SMARCA5: variants seen among roughly 807,000 people sequenced by gnomAD.
SMARCA5 encodes SNF2 related chromatin remodeling ATPase 5.
Under a neutral mutation model 140.4 loss-of-function variants are expected in SMARCA5, and 18 were observed. The observed-to-expected ratio is 0.13, with a 90% CI of 0.09 to 0.19. The LOEUF is 0.19. Ranked by LOEUF, SMARCA5 falls within the 10% of genes least tolerant of loss-of-function variation. SMARCA5 has a pLI of 1.00. For missense variants in SMARCA5, 606 were observed against 1,276.8 expected (o/e 0.47, Z 8.01); for synonymous variants, 449 against 419.6 (o/e 1.07, Z -0.86).
rs1370594324 is a variant in SMARCA5, at chr4:143,530,535, T to A, written c.1158+9T>A. The A allele has an allele frequency of 1.3e-6, 2 of 1,586,022 alleles. No individual in the cohort carries two copies. Among genetic ancestry groups the A allele is most frequent in the Non-Finnish European group, 1.7e-6 (2 of 1,156,388 alleles). ...TTGAGAGGCTTCATATGGTAAGTATTTTGGAGTAGTGTTAAAGCATATTTA... is the reference window on the plus strand; with the variant it reads ...TTGAGAGGCTTCATATGGTAAGTATATTGGAGTAGTGTTAAAGCATATTTA... On this transcript the variant is annotated intron_variant, in intron 9 of 23. Transcript: ENST00000283131.
chr4:143,530,573 G>A (rs768854874), intron 9 of SMARCA5, 47 bp downstream of exon 9: 4 of 1,265,792 alleles, frequency 3.2e-6, no homozygotes, highest in African/African-American at 1.5e-5. Flanking sequence ...ATGGGAAAAA[G>A]GATAAAGGTT....
Position 143,523,100 on chromosome 4 carries a change from G to A in SMARCA5, c.420-1267G>A, listed in dbSNP as rs183782954. Reference sequence around the variant, plus strand: ...CCCAGGCTGGAGTGCGTGCAGTGGTGTGATCTCGGTTCACTGCAAGTTGTG... The same window carrying A: ...CCCAGGCTGGAGTGCGTGCAGTGGTATGATCTCGGTTCACTGCAAGTTGTG... On this transcript the variant is annotated intron_variant, in intron 3 of 23. Coordinates refer to ENST00000283131, the MANE Select transcript of SMARCA5 (RefSeq NM_003601.4). 5.0e-3 allele frequency among the ~76,000 whole-genome samples: 757 copies of A among 152,238 alleles called. 4 individuals are homozygous for A. Among genetic ancestry groups the A allele is most frequent in the Non-Finnish European group, 8.2e-3 (561 of 68,018 alleles).
intron 9 of SMARCA5, among the ~76,000 whole-genome samples, chr4:143,533,498 CTTTTTTTTTTT>C (rs10580434): frequency 2.4e-4 from 31 of 127,550 alleles, no homozygotes; most frequent in African/African-American, 2.7e-4. Context: ...CTTGTCCATT[CTTTTTTTTTTT>C]TTTTTTTTTT....
intron 14 of SMARCA5, among the ~76,000 whole-genome samples, chr4:143,542,579 AT>A (rs1261496750): frequency 6.6e-6 from 1 of 152,202 alleles, no homozygotes; most frequent in Non-Finnish European, 1.5e-5. Flanking sequence ...TGATACAAGT[AT>A]TTAAAGAAGT....
rs1737676852 is a variant in SMARCA5, at chr4:143,553,048, A to G, written c.3094-71A>G. The G allele has an allele frequency of 2.6e-6, 3 of 1,132,138 alleles. No homozygotes were observed. In the Admixed American group the frequency reaches 5.1e-5, roughly 19 times the overall value. 70.1% of individuals were successfully genotyped at this position (1,132,138 alleles called of 1,614,324 possible). On this transcript the variant is annotated intron_variant, in intron 23 of 23. Coordinates refer to ENST00000283131, the MANE Select transcript of SMARCA5 (RefSeq NM_003601.4). Reference sequence around the variant, plus strand: ...TAGTAGTTGTTATTACTAAAGTGTTATAATGTGTCTGCAACTATATTTCAT... The same window carrying G: ...TAGTAGTTGTTATTACTAAAGTGTTGTAATGTGTCTGCAACTATATTTCAT...
At position 143,546,775 on chromosome 4, in the gene SMARCA5, G is replaced by T; in HGVS notation, c.2521-1G>T. 6.2e-7 allele frequency: 1 copy of T among 1,604,704 alleles called. No homozygotes were observed. The highest frequency in any genetic ancestry group is 1.1e-5 in the South Asian group (1 of 89,338). On this transcript the variant is annotated splice_acceptor_variant, in intron 19 of 23. Coordinates refer to ENST00000283131, the MANE Select transcript of SMARCA5 (RefSeq NM_003601.4). LOFTEE classifies it high-confidence loss of function. Reference sequence around the variant, plus strand: ...AATATTTTGTTTCTGTTCCTGTGAAGGGATTTACCAATTGGAATAAGAGAG... The same window carrying T: ...AATATTTTGTTTCTGTTCCTGTGAATGGATTTACCAATTGGAATAAGAGAG...
At chr4:143,542,524 A>G (rs1042802441) in intron 14 of SMARCA5, among the ~76,000 whole-genome samples, 3 of 152,196 alleles carry the variant, frequency 2.0e-5, no homozygotes, top group Non-Finnish European at 4.4e-5. Context: ...TCACTTACAA[A>G]GTCATGGATG....
In SMARCA5 at chr4:143,547,881, T is replaced by C. The variant is rs765369821; in HGVS notation, c.2773-47T>C. 8.0e-6 allele frequency: 9 copies of C among 1,129,430 alleles called. No individual in the cohort carries two copies. The Admixed American group carries it at 2.1e-4, about 26-fold the overall frequency. 70.0% of individuals were successfully genotyped at this position (1,129,430 alleles called of 1,614,324 possible). On this transcript the variant is annotated intron_variant, in intron 21 of 23. Coordinates refer to ENST00000283131, the MANE Select transcript of SMARCA5 (RefSeq NM_003601.4). ...ACTAAAGCTGAGTTTGAAATACAGA[T>C]TATATAGGATTTGTATTTTATATAA...
intron 3 of SMARCA5, among the ~76,000 whole-genome samples, chr4:143,523,662 CCTT>C (rs1381372086): frequency 7.2e-5 from 11 of 152,146 alleles, no homozygotes; most frequent in Non-Finnish European, 7.4e-5. Context: ...GGCCGCTTAT[CCTT>C]TTAGCAAGCA....
intron 22 of SMARCA5, 103 bp downstream of exon 22, chr4:143,548,243 T>C (rs1002467851): frequency 4.8e-6 from 3 of 626,540 alleles, no homozygotes; most frequent in Non-Finnish European, 8.3e-6. Flanking sequence ...AAGTAGACTT[T>C]TGTTACAATA....
chr4:143,536,731 A>G (rs1221468236), intron 11 of SMARCA5, 53 bp downstream of exon 11: 10 of 1,260,320 alleles, frequency 7.9e-6, no homozygotes, highest in Non-Finnish European at 1.1e-5. Flanking sequence ...GCTCATGTTA[A>G]AACAAAGGAG....
At chr4:143,550,224 A>ATTT in intron 23 of SMARCA5, 120 bp downstream of exon 23, 35 of 271,938 alleles carry the variant, frequency 1.3e-4, no homozygotes, top group South Asian at 2.6e-4. Flanking sequence ...CATTGCCTTT[A>ATTT]CTTTTTTTTT....
chr4:143,514,067 C>T lies in SMARCA5; in HGVS notation c.143C>T (p.Ala48Val), dbSNP rs1736766182. The T allele has an allele frequency of 1.3e-6, 2 of 1,559,126 alleles. No individual in the cohort carries two copies. The highest frequency in any genetic ancestry group is 1.2e-5 in the South Asian group (1 of 86,948). The change falls in exon 1 of 24, where the codon GCG becomes GTG. Residue 48 changes from alanine to valine, a missense_variant. Physicochemically the swap from Ala to Val is moderately conservative, Grantham distance 64. This residue lies in a region of SMARCA5 where 164 missense variants were observed against 128.4 expected (regional missense o/e 1.28). Coordinates refer to ENST00000283131, the MANE Select transcript of SMARCA5 (RefSeq NM_003601.4). ...EGVAAQAVASAASAGPADAEM... is the reference protein window; with the variant it reads ...EGVAAQAVASVASAGPADAEM... ...GTCGCGGCGCAGGCGGTTGCGTCTG[C>T]GGCCAGCGCTGGTCCCGCAGACGCC...
At chr4:143,521,875 A>G (rs932512179) in intron 3 of SMARCA5, among the ~76,000 whole-genome samples, 7 of 124,950 alleles carry the variant, frequency 5.6e-5, no homozygotes, top group African/African-American at 2.1e-4. Context: ...TGGGCAACGT[A>G]GGGAGATCCC....
intron 3 of SMARCA5, among the ~76,000 whole-genome samples, chr4:143,522,793 CTT>C (rs1390389073): frequency 2.0e-5 from 3 of 151,764 alleles, no homozygotes. Context: ...TTCTTTTATT[CTT>C]TTCTATTTTA....
chr4:143,546,662 G>A, intron 19 of SMARCA5, 114 bp from the exon 20 acceptor site: 2 of 936,648 alleles, frequency 2.1e-6, no homozygotes, highest in South Asian at 3.6e-5. Flanking sequence ...CACTCTAAAA[G>A]AACTTAATAA....
intron 17 of SMARCA5, among the ~76,000 whole-genome samples, chr4:143,545,093 C>T (rs990411888): frequency 3.3e-5 from 5 of 151,966 alleles, no homozygotes; most frequent in African/African-American, 7.3e-5. Context: ...CAGGCACCCA[C>T]CACCACCCCT....
intron 1 of SMARCA5, among the ~76,000 whole-genome samples, chr4:143,516,836 A>G (rs1736851467): frequency 6.6e-6 from 1 of 152,202 alleles, no homozygotes; most frequent in Non-Finnish European, 1.5e-5. Flanking sequence ...AACATTTATT[A>G]CTAGTTTAGG....
intron 23 of SMARCA5, among the ~76,000 whole-genome samples, chr4:143,551,364 GTC>G (rs1050023325): frequency 2.6e-5 from 4 of 152,058 alleles, no homozygotes; most frequent in African/African-American, 9.7e-5. Flanking sequence ...TCTGTGGGAT[GTC>G]TCTTCACTTT....
Sources: gnomAD v4.1 joint callset for allele counts (sites outside exome capture counted in the v4.1 genomes callset) on GRCh38, gnomAD v4.1.1 for gene constraint, gnomAD v4.1.1 regional missense constraint, MANE v1.5 for transcripts, NCBI Gene and HGNC (gene_info 2026-07-23, HGNC 2026-07-21) for gene names.